PCDH11X: variants seen among roughly 807,000 people sequenced by gnomAD.
PCDH11X encodes the protein protocadherin-11 X-linked.
Under a neutral mutation model 53.3 loss-of-function variants are expected in PCDH11X, and 18 were observed. The ratio of observed to expected loss-of-function variants is 0.34; its 90% CI spans 0.23 to 0.50. PCDH11X has a LOEUF of 0.50. Ranked by LOEUF, PCDH11X falls within the 20% of genes least tolerant of loss-of-function variation. PCDH11X has a pLI of 0.98. For missense variants in PCDH11X, 570 were observed against 1,032.4 expected (o/e 0.55, Z 6.14); for synonymous variants, 279 against 393.3 (o/e 0.71, Z 3.44).
chrX:92,017,303 G>C (rs1326293847), intron 6 of PCDH11X, among the ~76,000 whole-genome samples: 2 of 111,190 alleles, frequency 1.8e-5, no homozygotes, highest in Non-Finnish European at 3.8e-5. Context: ...TTGCATGCCT[G>C]TATCAAAATA....
At chrX:92,521,159 A>G (rs1410311033) in intron 10 of PCDH11X, among the ~76,000 whole-genome samples, 12 of 111,656 alleles carry the variant, frequency 1.1e-4, no homozygotes, top group African/African-American at 3.6e-4. Flanking sequence ...TATCCAAATA[A>G]TTTTCAATTT....
intron 8 of PCDH11X, among the ~76,000 whole-genome samples, chrX:92,349,989 G>A (rs1286399977): frequency 9.1e-6 from 1 of 110,165 alleles, no homozygotes; most frequent in Non-Finnish European, 1.9e-5. Context: ...CCCTTCGTAA[G>A]TCTAGAAGCA....
At chrX:92,602,817 A>G (rs1301485573) in intron 10 of PCDH11X, among the ~76,000 whole-genome samples, 2 of 87,530 alleles carry the variant, frequency 2.3e-5, no homozygotes, top group Non-Finnish European at 4.2e-5. Context: ...GCAATATATA[A>G]TCTAAAATGT....
chrX:91,954,461 T>C (rs1162799314), intron 6 of PCDH11X, among the ~76,000 whole-genome samples: 1 of 111,494 alleles, frequency 9.0e-6, no homozygotes, highest in Admixed American at 9.6e-5. Flanking sequence ...TTATATCCCT[T>C]TGGGTATATA....
At chrX:92,139,613 CAAATA>C (rs1472233213) in intron 6 of PCDH11X, among the ~76,000 whole-genome samples, 1 of 110,591 alleles carries the variant, frequency 9.0e-6, no homozygotes, top group African/African-American at 3.3e-5. Flanking sequence ...GTACTTCACT[CAAATA>C]AAATCTGTAG....
chrX:91,837,693 T>C (rs1284502844), intron 5 of PCDH11X, among the ~76,000 whole-genome samples: 2 of 111,379 alleles, frequency 1.8e-5, no homozygotes, highest in East Asian at 5.7e-4. Context: ...TAAGTACTTA[T>C]AGAAGTGTGA....
intron 10 of PCDH11X, among the ~76,000 whole-genome samples, chrX:92,602,305 T>A (rs1177506019): frequency 3.6e-5 from 4 of 111,756 alleles, no homozygotes; most frequent in African/African-American, 1.3e-4. Flanking sequence ...AGCAAAAAAA[T>A]AAAAATTACA....
rs1935567325 is a variant in PCDH11X at position 91,791,983 on chromosome X, T to A, written c.-379+12299T>A. On this transcript the variant is annotated intron_variant, in intron 1 of 10. Coordinates refer to ENST00000682573, the MANE Select transcript of PCDH11X (RefSeq NM_032968.5). ...TTCACGCCATTCTCCTGCCTCAGCCTCCCGAGTAGCTGGGACTACAGGCGC... is the reference window on the plus strand; with the variant it reads ...TTCACGCCATTCTCCTGCCTCAGCCACCCGAGTAGCTGGGACTACAGGCGC... Among the ~76,000 whole-genome samples the A allele has an allele frequency of 4.7e-5, 5 of 106,127 alleles. No individual in the cohort carries two copies. The South Asian group carries it at 2.2e-3, about 47-fold the overall frequency. 92.2% of individuals were successfully genotyped at this position (106,127 alleles called of 115,157 possible).
chrX:91,840,249 A>G, intron 5 of PCDH11X, among the ~76,000 whole-genome samples: 1 of 111,889 alleles, frequency 8.9e-6, no homozygotes, highest in East Asian at 2.8e-4. Flanking sequence ...CCTGGCATAT[A>G]TCAACAGTCA....
chrX:92,605,426 T>G (rs1926681314), intron 10 of PCDH11X, among the ~76,000 whole-genome samples: 1 of 111,476 alleles, frequency 9.0e-6, no homozygotes, highest in Admixed American at 9.6e-5. Context: ...TACTTACCAC[T>G]TCTATTAAAC....
At chrX:92,300,713 G>A (rs7056651) in intron 8 of PCDH11X, among the ~76,000 whole-genome samples, 2,614 of 111,607 alleles carry the variant, frequency 0.023, 67 homozygotes, top group African/African-American at 0.082. Context: ...TCCTAACATC[G>A]TGATCCACCT....
At chrX:92,507,358 T>C (rs1218968559) in intron 10 of PCDH11X, among the ~76,000 whole-genome samples, 2 of 111,046 alleles carry the variant, frequency 1.8e-5, no homozygotes, top group African/African-American at 6.6e-5. Context: ...TGTGGGTGTT[T>C]AGGGCTATAA....
At chrX:92,372,093 G>A (rs1233284815) in intron 8 of PCDH11X, among the ~76,000 whole-genome samples, 3 of 110,715 alleles carry the variant, frequency 2.7e-5, no homozygotes, top group Non-Finnish European at 5.7e-5. Context: ...AGAAATTAAA[G>A]CCAGAATCCA....
chrX:91,903,875 G>A (rs1240589908), intron 6 of PCDH11X, among the ~76,000 whole-genome samples: 1 of 110,675 alleles, frequency 9.0e-6, no homozygotes, highest in Non-Finnish European at 1.9e-5. Flanking sequence ...GGTGGGAAAT[G>A]AAAATAGGGA....
intron 8 of PCDH11X, among the ~76,000 whole-genome samples, chrX:92,382,078 C>T (rs146088571): frequency 0.027 from 2,950 of 110,525 alleles, 110 homozygotes; most frequent in African/African-American, 0.092. Flanking sequence ...AGAGACAGTA[C>T]CTATGGGAAA....
chrX:92,005,626 A>G (rs2062586489), intron 6 of PCDH11X, among the ~76,000 whole-genome samples: 1 of 111,986 alleles, frequency 8.9e-6, no homozygotes, highest in Admixed American at 9.5e-5. Context: ...GCTTAAGATA[A>G]TAGTAGTTTA....
chrX:92,281,168 A>T (rs941635034), intron 8 of PCDH11X, among the ~76,000 whole-genome samples: 2 of 111,491 alleles, frequency 1.8e-5, no homozygotes, highest in Admixed American at 1.9e-4. Flanking sequence ...ACTTATCTCC[A>T]CAGCAACTTA....
At chrX:92,477,915 C>G (rs1238717616) in intron 10 of PCDH11X, among the ~76,000 whole-genome samples, 1 of 105,903 alleles carries the variant, frequency 9.4e-6, no homozygotes, top group African/African-American at 3.5e-5. Flanking sequence ...TGGTTTGGCT[C>G]TGTGTTCCCC....
chrX:91,893,843 T>A (rs1437338696), intron 6 of PCDH11X, among the ~76,000 whole-genome samples: 1 of 111,397 alleles, frequency 9.0e-6, no homozygotes, highest in Non-Finnish European at 1.9e-5. Context: ...TATATATATA[T>A]AAAATTTTAA....
Sources: allele counts gnomAD v4.1 joint callset (sites outside exome capture counted in the v4.1 genomes callset), GRCh38; gene constraint gnomAD v4.1.1; transcripts MANE v1.5; gene names NCBI Gene and HGNC (gene_info 2026-07-23, HGNC 2026-07-21).